NR2E1: variants seen among roughly 807,000 people sequenced by gnomAD.
NR2E1 encodes the protein nuclear receptor subfamily 2 group E member 1, also known as nuclear receptor TLX.
A neutral mutation model predicts 43.6 loss-of-function variants in NR2E1; 5 were observed. That is an observed-to-expected ratio of 0.11 (90% CI 0.06 to 0.24). NR2E1 has a LOEUF of 0.24. Among genes scored for constraint, NR2E1 ranks in the 10% least tolerant of loss-of-function variants. The probability of loss-of-function intolerance (pLI) is 1.00; values close to 1 mark genes in which losing one functional copy is unlikely to be tolerated. For missense variants in NR2E1, 287 were observed against 496.7 expected (o/e 0.58, Z 4.01); for synonymous variants, 191 against 195.5 (o/e 0.98, Z 0.19).
intron 5 of NR2E1, chr6:108,178,940 T>A (rs1351825518): frequency 6.6e-6 from 1 of 152,616 alleles, no homozygotes; most frequent in African/African-American, 2.4e-5. Context: ...ATATTAGAAA[T>A]GCTAACATTT....
chr6:108,185,742 CAATT>C (rs1021459522), intron 8 of NR2E1, among the ~76,000 whole-genome samples: 2 of 152,128 alleles, frequency 1.3e-5, no homozygotes, highest in African/African-American at 4.8e-5. Flanking sequence ...ATGTAATAGA[CAATT>C]AATTTTTGTT....
intron 1 of NR2E1, chr6:108,168,142 C>T (rs764818290): frequency 4.4e-6 from 7 of 1,598,056 alleles, no homozygotes; most frequent in Non-Finnish European, 5.1e-6. Flanking sequence ...CCCTGGCCCT[C>T]GCTGTTGGAA....
In NR2E1 at chr6:108,174,903, A is replaced by G. The variant is rs1334271795; in HGVS notation, c.239A>G (p.Glu80Gly). Residue 80 changes from glutamate to glycine, a missense_variant, in exon 3 of 9, where the codon GAA becomes GGA. Physicochemically the swap from Glu to Gly is moderately conservative, Grantham distance 98. Around this residue, in one of 4 missense-constraint regions of NR2E1, gnomAD observed 46 missense variants for 132.3 expected, o/e 0.35. Transcript: ENST00000368986. Reference protein sequence around the residue: ...CRACRLKKCLEVNMNKDAVQH... With the variant: ...CRACRLKKCLGVNMNKDAVQH... Reference sequence around the variant, plus strand: ...GCGTGTCGGCTGAAGAAGTGTTTGGAAGTCAACATGAACAAAGACGGTAAT... The same window carrying G: ...GCGTGTCGGCTGAAGAAGTGTTTGGGAGTCAACATGAACAAAGACGGTAAT... The G allele has an allele frequency of 6.2e-7, 1 of 1,614,126 alleles. No homozygotes were observed. Among genetic ancestry groups the G allele is most frequent in the Non-Finnish European group, 8.5e-7 (1 of 1,180,006 alleles).
Position 108,178,170 on chromosome 6 carries a change from A to C in NR2E1, c.571A>C (p.Arg191=). 6.2e-7 allele frequency: 1 copy of C among 1,614,226 alleles called. No homozygotes were observed. Among genetic ancestry groups the C allele is most frequent in the Non-Finnish European group, 8.5e-7 (1 of 1,180,040 alleles). The stretch of plus-strand genomic sequence containing the variant: ...GGAGTCGGTGTGTGAATCAGCTGCC[A>C]GACTTCTCTTCATGAGCATCAAGTG... ...ATESVCESAA[R]LLFMSIKWAK... Residue 191 remains arginine (R), a synonymous_variant, in exon 5 of 9, where the codon AGA becomes CGA. Coordinates refer to ENST00000368986, the MANE Select transcript of NR2E1 (RefSeq NM_003269.5).
chr6:108,180,359 G>T lies in NR2E1; in HGVS notation c.679G>T (p.Val227Phe). ...GGAAGATGCTTGGAGAGAACTGTTTGTTCTAGGAATAGCACAATGGGCCAT... is the reference window on the plus strand; with the variant it reads ...GGAAGATGCTTGGAGAGAACTGTTTTTTCTAGGAATAGCACAATGGGCCAT... ...LLEDAWRELF[V>F]LGIAQWAIPV... The change falls in exon 6 of 9, where the codon GTT becomes TTT. Residue 227 changes from valine to phenylalanine, a missense_variant. Val to Phe is a conservative substitution (Grantham distance 50). Transcript: ENST00000368986. The surrounding 1 kb of genome is among the most constrained non-coding windows in gnomAD (Gnocchi z 5.4). The T allele has an allele frequency of 6.2e-7, 1 of 1,613,480 alleles. No individual in the cohort carries two copies. The highest frequency in any genetic ancestry group is 1.7e-5 in the Admixed American group (1 of 60,018).
At chr6:108,174,537 G>A (rs1173764252) in intron 2 of NR2E1, among the ~76,000 whole-genome samples, 1 of 152,014 alleles carries the variant, frequency 6.6e-6, no homozygotes, top group African/African-American at 2.4e-5. Flanking sequence ...GCAGGCCTGC[G>A]GGGTCTGCCA....
chr6:108,181,966 A>G (rs1773997450), intron 8 of NR2E1, among the ~76,000 whole-genome samples: 1 of 152,302 alleles, frequency 6.6e-6, no homozygotes, highest in South Asian at 2.1e-4. Context: ...GGCTGGGCAC[A>G]GTGGCTCACG....
At position 108,173,659 on chromosome 6, in the gene NR2E1, T is replaced by C. The variant is rs542283066; in HGVS notation, c.172-1177T>C. On this transcript the variant is annotated intron_variant, in intron 2 of 8. Coordinates refer to ENST00000368986, the MANE Select transcript of NR2E1 (RefSeq NM_003269.5). The stretch of plus-strand genomic sequence containing the variant: ...CAGAGTATATGAATTTTTGAGATTA[T>C]GAAGCAAAATAAAAATACATTTATT... Among the ~76,000 whole-genome samples, 4 of 152,350 alleles carry C rather than the reference T, an allele frequency of 2.6e-5. No homozygotes were observed. In the East Asian group the frequency reaches 7.7e-4, roughly 29 times the overall value.
intron 2 of NR2E1, 119 bp downstream of exon 2, chr6:108,171,722 C>T: frequency 8.0e-7 from 1 of 1,246,002 alleles, no homozygotes; most frequent in Non-Finnish European, 1.2e-6. Flanking sequence ...CCTGACCTCT[C>T]CCTTCCTCTC....
At chr6:108,184,508 T>C (rs889634196) in intron 8 of NR2E1, among the ~76,000 whole-genome samples, 10 of 152,102 alleles carry the variant, frequency 6.6e-5, no homozygotes, top group African/African-American at 2.2e-4. Flanking sequence ...AGATGAATCC[T>C]AGTCAGAGGG....
Position 108,181,630 on chromosome 6 carries a change from T to G in NR2E1, c.974T>G (p.Leu325Arg). 1 of 1,614,166 alleles carries G rather than the reference T, an allele frequency of 6.2e-7. No homozygotes were observed. Among genetic ancestry groups the G allele is most frequent in the Non-Finnish European group, 8.5e-7 (1 of 1,179,976 alleles). The change falls in exon 8 of 9, where the codon CTC becomes CGC. Residue 325 changes from leucine (L) to arginine (R), a missense_variant. By Grantham distance (102) the Leu-to-Arg change is moderately radical. Around this residue, in one of 4 missense-constraint regions of NR2E1, gnomAD observed 119 missense variants for 187.0 expected, o/e 0.64. Transcript: ENST00000368986. ...CTTCAAGATGAGGCTCAGCTAACGC[T>G]CAACAGCTACATCCATACCAGGTGA... ...AALQDEAQLT[L>R]NSYIHTRYPT...
At position 108,166,394 on chromosome 6, in the gene NR2E1, T is replaced by C; in HGVS notation, c.-372T>C. On this transcript the variant is annotated 5_prime_UTR_variant, in exon 1 of 9. The change abolishes the stop of an existing upstream ORF in the 5' untranslated region. Coordinates refer to ENST00000368986, the MANE Select transcript of NR2E1 (RefSeq NM_003269.5). This position sits in a 1 kb window ranked among gnomAD's most constrained non-coding sequence, Gnocchi z 7.2. The stretch of plus-strand genomic sequence containing the variant: ...GGGGAAAAAGAGGGATTTCGCTCCG[T>C]AGGAAGGCCATTTTCGTGTCTCCAT... The C allele has an allele frequency of 4.2e-6, 1 of 238,698 alleles. No homozygotes were observed. The highest frequency in any genetic ancestry group is 7.9e-6 in the Non-Finnish European group (1 of 126,694). The allele number at this position is 238,698 out of a possible 1,614,324, so 14.8% of individuals were successfully genotyped here. A position where few individuals can be genotyped will look rare whatever the true frequency, so the allele number is the denominator to read the frequency against.
intron 7 of NR2E1, 103 bp downstream of exon 7, chr6:108,181,059 G>T (rs1410217281): frequency 1.1e-5 from 13 of 1,211,778 alleles, no homozygotes; most frequent in Non-Finnish European, 1.6e-5. Context: ...AAGAGGTGAT[G>T]GTTTTCAAGG....
At chr6:108,184,908 T>C (rs564852483) in intron 8 of NR2E1, among the ~76,000 whole-genome samples, 1 of 152,356 alleles carries the variant, frequency 6.6e-6, no homozygotes, top group South Asian at 2.1e-4. Flanking sequence ...TTATTTCTTA[T>C]TAAATAATGG....
Position 108,180,350 on chromosome 6 carries a change from GA to G in NR2E1, c.672del (p.Glu224AspfsTer5), listed in dbSNP as rs748068017. Reference sequence around the variant, plus strand: ...GATGCTTTTGGAAGATGCTTGGAGAGAACTGTTTGTTCTAGGAATAGCACAA... The same window carrying G: ...GATGCTTTTGGAAGATGCTTGGAGAGACTGTTTGTTCTAGGAATAGCACAA... Reference protein sequence around the residue: ...QLMLLEDAWRELFVLGIAQWA... With the variant: ...QLMLLEDAWRXLFVLGIAQWA... On this transcript the variant is annotated frameshift_variant, in exon 6 of 9. Transcript: ENST00000368986. LOFTEE classifies it high-confidence loss of function. The surrounding 1 kb of genome is among the most constrained non-coding windows in gnomAD (Gnocchi z 5.4). 6.2e-7 allele frequency: 1 copy of G among 1,612,886 alleles called. No homozygotes were observed. The highest frequency in any genetic ancestry group is 8.5e-7 in the Non-Finnish European group (1 of 1,178,968).
At chr6:108,186,261 C>T (rs1157672100) in intron 8 of NR2E1, among the ~76,000 whole-genome samples, 2 of 152,016 alleles carry the variant, frequency 1.3e-5, no homozygotes, top group Non-Finnish European at 2.9e-5. Context: ...CAGCTGAGGT[C>T]CTGAGAGGCC....
In NR2E1 at chr6:108,176,541, C is replaced by A; in HGVS notation, c.298C>A (p.Arg100Ser). The change falls in exon 4 of 9, where the codon CGC (arginine) becomes AGC (serine). Residue 100 changes from arginine (R) to serine (S), a missense_variant. Coordinates refer to ENST00000368986, the MANE Select transcript of NR2E1 (RefSeq NM_003269.5). ...GCGGGGGCCTCGGACGTCCACCATCCGCAAGCAAGTGGCCCTCTACTTCCG... is the reference window on the plus strand; with the variant it reads ...GCGGGGGCCTCGGACGTCCACCATCAGCAAGCAAGTGGCCCTCTACTTCCG... ...HERGPRTSTI[R>S]KQVALYFRGH... 6.2e-7 allele frequency: 1 copy of A among 1,613,156 alleles called. No homozygotes were observed. Among genetic ancestry groups the A allele is most frequent in the South Asian group, 1.1e-5 (1 of 91,084 alleles).
At chr6:108,171,366 A>T (rs1773808007) in intron 1 of NR2E1, 92 bp from the exon 2 acceptor site, 5 of 1,334,382 alleles carry the variant, frequency 3.7e-6, no homozygotes, top group Non-Finnish European at 4.3e-6. Context: ...ATTGCTTAGC[A>T]TCTCTCTCTC....
rs151319390 is a variant in NR2E1, at chr6:108,177,864, A to T, written c.496-231A>T. On this transcript the variant is annotated intron_variant, in intron 4 of 8. Coordinates refer to ENST00000368986, the MANE Select transcript of NR2E1 (RefSeq NM_003269.5). ...AAAGCCAGAGGGCCTTCTGGAAGGG[A>T]GAGGCTCCCAAAGAGTGGAAATGGA... 2.6e-5 allele frequency among the ~76,000 whole-genome samples: 4 copies of T among 152,312 alleles called. No individual in the cohort carries two copies. The East Asian group carries it at 7.7e-4, about 29-fold the overall frequency.
Sources: gnomAD v4.1 joint callset for allele counts (sites outside exome capture counted in the v4.1 genomes callset) on GRCh38, gnomAD v4.1.1 for gene constraint, gnomAD v4.1.1 regional missense constraint, Gnocchi (gnomAD v3.1) non-coding constraint, MANE v1.5 for transcripts, NCBI Gene and HGNC (gene_info 2026-07-23, HGNC 2026-07-21) for gene names.